Variants in KCNMA1 observed in about 807,000 individuals in gnomAD.
KCNMA1 encodes the protein potassium calcium-activated channel subfamily M alpha 1, also known as Calcium-activated potassium channel subunit alpha-1.
KCNMA1 carries 29 observed loss-of-function variants against 140.0 expected under a neutral mutation model. That is an observed-to-expected ratio of 0.21 (90% CI 0.15 to 0.28). The LOEUF (loss-of-function observed/expected upper bound fraction) is 0.28. Ranked by LOEUF, KCNMA1 falls within the 10% of genes least tolerant of loss-of-function variation. KCNMA1 has a pLI of 1.00. For synonymous variants in KCNMA1, 612 were observed against 611.9 expected (o/e 1.00, Z 0.00); for missense variants, 880 against 1,602.2 (o/e 0.55, Z 7.70).
rs370816278 is a variant in KCNMA1, at chr10:77,624,658, T to C, written c.378+12607A>G. 2.2e-4 allele frequency among the ~76,000 whole-genome samples: 34 copies of C among 152,220 alleles called. No individual in the cohort carries two copies. In the East Asian group the frequency reaches 2.5e-3, roughly 11 times the overall value. ...CTTAAGAAATGGCTTTATATTGAAA[T>C]CATGAAATCAGAGAATTTGTTATAT... is the stretch of plus-strand genomic sequence containing the variant. On this transcript the variant is annotated intron_variant, in intron 1 of 27. Transcript: ENST00000286628.
intron 5 of KCNMA1, among the ~76,000 whole-genome samples, chr10:77,146,065 A>G (rs1371493798): frequency 6.6e-6 from 1 of 152,194 alleles, no homozygotes; most frequent in Non-Finnish European, 1.5e-5. Context: ...GGCTAACCAT[A>G]TTGGGGATAC....
intron 14 of KCNMA1, among the ~76,000 whole-genome samples, chr10:77,061,652 G>A (rs542471450): frequency 1.1e-4 from 17 of 152,212 alleles, no homozygotes; most frequent in South Asian, 2.1e-4. Context: ...ATCCTAATTC[G>A]AGATACTTAC....
chr10:77,366,620 G>A (rs903934314), intron 2 of KCNMA1, among the ~76,000 whole-genome samples: 5 of 152,136 alleles, frequency 3.3e-5, no homozygotes, highest in Non-Finnish European at 7.4e-5. Flanking sequence ...CAATGTTGCT[G>A]ATGTTCCATA....
chr10:76,877,693 A>G (rs2032645376), downstream of KCNMA1: 1 of 1,533,562 alleles, frequency 6.5e-7, no homozygotes, highest in Non-Finnish European at 8.8e-7. Context: ...ATCACCATTT[A>G]TGAAGTTTGT....
chr10:77,072,728 G>A (rs1256793693), intron 14 of KCNMA1, among the ~76,000 whole-genome samples: 10 of 152,152 alleles, frequency 6.6e-5, no homozygotes, highest in Non-Finnish European at 1.2e-4. Context: ...AGGTCCACCA[G>A]CCACTTGATA....
intron 2 of KCNMA1, among the ~76,000 whole-genome samples, chr10:77,275,576 G>C (rs1216908251): frequency 6.6e-6 from 1 of 152,196 alleles, no homozygotes; most frequent in Non-Finnish European, 1.5e-5. Context: ...AAAGCCCACA[G>C]GGTCTGCCTT....
At chr10:77,614,907 T>C (rs549855602) in intron 1 of KCNMA1, among the ~76,000 whole-genome samples, 3 of 152,302 alleles carry the variant, frequency 2.0e-5, no homozygotes, top group Admixed American at 2.0e-4. Flanking sequence ...AGCAACATAT[T>C]TGCTTAACCA....
At chr10:77,527,367 A>T (rs1019234820) in intron 1 of KCNMA1, among the ~76,000 whole-genome samples, 3 of 152,224 alleles carry the variant, frequency 2.0e-5, no homozygotes, top group African/African-American at 7.2e-5. Context: ...ACAAGTAGTT[A>T]ATTCCCTAGC....
At chr10:77,402,583 C>T (rs924406966) in intron 2 of KCNMA1, among the ~76,000 whole-genome samples, 4 of 152,154 alleles carry the variant, frequency 2.6e-5, no homozygotes, top group Admixed American at 6.5e-5. Context: ...ACTCAAGCAC[C>T]ACGTTCATTC....
chr10:77,004,514 T>C (rs145482771), intron 18 of KCNMA1, among the ~76,000 whole-genome samples: 2 of 152,252 alleles, frequency 1.3e-5, no homozygotes, highest in African/African-American at 4.8e-5. Context: ...TCATCAGGCT[T>C]GAAGGATATG....
chr10:77,413,752 A>T (rs2096672396), intron 1 of KCNMA1, among the ~76,000 whole-genome samples: 1 of 152,198 alleles, frequency 6.6e-6, no homozygotes, highest in Admixed American at 6.5e-5. Context: ...ACTCTGCACC[A>T]GCAGGGCTTA....
At chr10:77,250,062 C>A (rs1472871164) in intron 3 of KCNMA1, 1 of 152,166 alleles carries the variant, frequency 6.6e-6, no homozygotes, top group Non-Finnish European at 1.5e-5. Context: ...CACCCAAATG[C>A]ACAAAATCCT....
chr10:77,022,062 C>G (rs1052099150), intron 16 of KCNMA1, among the ~76,000 whole-genome samples: 1 of 152,138 alleles, frequency 6.6e-6, no homozygotes, highest in Non-Finnish European at 1.5e-5. Flanking sequence ...AACCTTCTCC[C>G]CCTTTTGCCT....
chr10:77,346,902 T>C (rs778640600), intron 2 of KCNMA1, among the ~76,000 whole-genome samples: 1 of 152,192 alleles, frequency 6.6e-6, no homozygotes, highest in Non-Finnish European at 1.5e-5. Context: ...AAAATGCCCA[T>C]TGCCCGACTG....
chr10:77,009,057 C>G (rs185534989), intron 18 of KCNMA1, among the ~76,000 whole-genome samples: 53 of 152,186 alleles, frequency 3.5e-4, no homozygotes, highest in Non-Finnish European at 6.3e-4. Flanking sequence ...TTAGTAGGAG[C>G]AATATTCAGA....
chr10:77,204,210 G>T (rs569728004), intron 3 of KCNMA1, among the ~76,000 whole-genome samples: 1 of 152,222 alleles, frequency 6.6e-6, no homozygotes, highest in Non-Finnish European at 1.5e-5. Flanking sequence ...GGACTGATTT[G>T]TGTGCTCTTC....
At chr10:76,941,125 GAAGGGAAGGGA>G (rs2062145939) in intron 23 of KCNMA1, among the ~76,000 whole-genome samples, 2 of 74,822 alleles carry the variant, frequency 2.7e-5, no homozygotes, top group African/African-American at 5.4e-5. Context: ...GGAGGGAAGG[GAAGGGAAGGGA>G]AGGGAAGGGA....
At chr10:76,978,831 C>A (rs2078505681) in intron 19 of KCNMA1, among the ~76,000 whole-genome samples, 1 of 152,136 alleles carries the variant, frequency 6.6e-6, no homozygotes, top group African/African-American at 2.4e-5. Flanking sequence ...TTGTTTCCAC[C>A]CCTAGTGAAT....
chr10:77,348,973 C>T (rs10824532), intron 2 of KCNMA1, among the ~76,000 whole-genome samples: 22,455 of 152,112 alleles, frequency 0.15, 2,314 homozygotes, highest in African/African-American at 0.29. Context: ...AATTCTAAAA[C>T]CAGGAAAGCT....
Sources: gnomAD v4.1 joint callset for allele counts (sites outside exome capture counted in the v4.1 genomes callset) on GRCh38, gnomAD v4.1.1 for gene constraint, MANE v1.5 for transcripts, NCBI Gene and HGNC (gene_info 2026-07-23, HGNC 2026-07-21) for gene names.